ARHGEF6: variants seen among roughly 807,000 people sequenced by gnomAD.
The protein encoded by ARHGEF6 is Rac/Cdc42 guanine nucleotide exchange factor 6.
A neutral mutation model predicts 70.3 loss-of-function variants in ARHGEF6; 9 were observed. The observed-to-expected ratio is 0.13, with a 90% CI of 0.08 to 0.22. The LOEUF is 0.22. Ranked by LOEUF, ARHGEF6 falls within the 10% of genes least tolerant of loss-of-function variation. The pLI, the probability that ARHGEF6 is intolerant of heterozygous loss-of-function variation, is 1.00. For synonymous variants in ARHGEF6, 201 were observed against 207.8 expected (o/e 0.97, Z 0.28); for missense variants, 470 against 563.0 (o/e 0.83, Z 1.67).
chrX:136,752,946 T>G, intron 2 of ARHGEF6, among the ~76,000 whole-genome samples: 1 of 112,112 alleles, frequency 8.9e-6, no homozygotes, highest in African/African-American at 3.2e-5. Context: ...TGTCATTACA[T>G]AGTGCAACAG....
At chrX:136,746,597 G>C (rs780138890) in intron 3 of ARHGEF6, among the ~76,000 whole-genome samples, 2 of 111,499 alleles carry the variant, frequency 1.8e-5, no homozygotes, top group African/African-American at 6.5e-5. Flanking sequence ...CCATAGCTTT[G>C]ACATTTTTTG....
rs2077411853 is a variant in ARHGEF6, at chrX:136,777,104, A to T, written c.249+2310T>A. 2.7e-5 allele frequency among the ~76,000 whole-genome samples: 3 copies of T among 110,739 alleles called. No homozygotes were observed. The South Asian group carries it at 1.1e-3, about 42-fold the overall frequency. On this transcript the variant is annotated intron_variant, in intron 2 of 21. Coordinates refer to ENST00000250617, the MANE Select transcript of ARHGEF6 (RefSeq NM_004840.3). ...GCCAGGCATGGTGGCGGGCGCCTGT[A>T]TTCCCAGCTACTCAGGAGGCTGAGG... is the stretch of plus-strand genomic sequence containing the variant.
intron 2 of ARHGEF6, among the ~76,000 whole-genome samples, chrX:136,779,143 C>T (rs1050717738): frequency 1.8e-5 from 2 of 111,973 alleles, no homozygotes; most frequent in African/African-American, 6.5e-5. Context: ...AACACACCCA[C>T]ACAAGCTCTG....
intron 6 of ARHGEF6, among the ~76,000 whole-genome samples, chrX:136,727,413 CTTTCTT>C (rs757846089): frequency 6.7e-4 from 60 of 90,201 alleles, no homozygotes; most frequent in African/African-American, 2.2e-3. Flanking sequence ...CTCTCTCTCT[CTTTCTT>C]TCTTTCTTTC....
intron 6 of ARHGEF6, among the ~76,000 whole-genome samples, chrX:136,731,648 T>C (rs2148647621): frequency 8.9e-6 from 1 of 112,532 alleles, no homozygotes; most frequent in South Asian, 3.7e-4. Flanking sequence ...CAGTTTTCCT[T>C]TTGGGCTCTC....
chrX:136,720,135 C>T (rs1168201502), intron 6 of ARHGEF6, among the ~76,000 whole-genome samples: 1 of 112,062 alleles, frequency 8.9e-6, no homozygotes. Context: ...TACTTCCTAA[C>T]TCATTTTATG....
chrX:136,713,002 C>CT (rs1191937145), intron 7 of ARHGEF6, among the ~76,000 whole-genome samples: 143 of 102,297 alleles, frequency 1.4e-3, no homozygotes, highest in East Asian at 3.0e-3. Context: ...AAGCACATCA[C>CT]TTTTTTTTTT....
At chrX:136,776,747 A>G (rs1340910438) in intron 2 of ARHGEF6, among the ~76,000 whole-genome samples, 1 of 111,581 alleles carries the variant, frequency 9.0e-6, no homozygotes, top group Non-Finnish European at 1.9e-5. Flanking sequence ...TGCACAGCAA[A>G]ATAAATAATC....
chrX:136,713,804 T>C (rs1441412782), intron 6 of ARHGEF6, among the ~76,000 whole-genome samples: 1 of 112,241 alleles, frequency 8.9e-6, no homozygotes, highest in Admixed American at 9.4e-5. Context: ...AATGTTTTCA[T>C]GTGCTGTAAA....
At chrX:136,668,527 CTTCTTCTTA>C (rs1449008748) in intron 21 of ARHGEF6, among the ~76,000 whole-genome samples, 31 of 100,551 alleles carry the variant, frequency 3.1e-4, no homozygotes, top group African/African-American at 1.3e-3. Context: ...TCTTCTTCTT[CTTCTTCTTA>C]TTATTATTAT....
At chrX:136,745,419 T>C in intron 3 of ARHGEF6, 72 bp from the exon 4 acceptor site, 1 of 1,127,102 alleles carries the variant, frequency 8.9e-7, no homozygotes, top group Non-Finnish European at 1.2e-6. Flanking sequence ...TAACATTATC[T>C]TTCTCAGGAT....
intron 2 of ARHGEF6, among the ~76,000 whole-genome samples, chrX:136,758,775 G>T (rs2077236588): frequency 9.0e-6 from 1 of 111,359 alleles, no homozygotes; most frequent in Admixed American, 9.5e-5. Context: ...CCATCTACAT[G>T]TAGACTCTTA....
chrX:136,670,773 C>G (rs1380474431), intron 20 of ARHGEF6, among the ~76,000 whole-genome samples: 5 of 111,851 alleles, frequency 4.5e-5, no homozygotes, highest in Non-Finnish European at 7.5e-5. Context: ...TCTCTGACTG[C>G]ACATGACACA....
At chrX:136,700,354 G>T (rs910435788) in intron 9 of ARHGEF6, among the ~76,000 whole-genome samples, 1 of 110,862 alleles carries the variant, frequency 9.0e-6, no homozygotes, top group Admixed American at 9.6e-5. Flanking sequence ...ATGAAACCCT[G>T]TCTAAACTAA....
intron 10 of ARHGEF6, among the ~76,000 whole-genome samples, chrX:136,690,200 T>C (rs946124298): frequency 2.7e-5 from 3 of 111,927 alleles, no homozygotes; most frequent in African/African-American, 6.5e-5. Context: ...AACTTGTTCT[T>C]TGTACATTCT....
At position 136,706,381 on chromosome X, in the gene ARHGEF6, G is replaced by A. The variant is rs774388487; in HGVS notation, c.1046+527C>T. Among the ~76,000 whole-genome samples the A allele has an allele frequency of 1.4e-4, 16 of 111,513 alleles. 1 individual carries two copies. The South Asian group carries it at 5.7e-3, about 40-fold the overall frequency. On this transcript the variant is annotated intron_variant, in intron 9 of 21. Coordinates refer to ENST00000250617, the MANE Select transcript of ARHGEF6 (RefSeq NM_004840.3). The stretch of plus-strand genomic sequence containing the variant: ...CATCATTGCCTAAAACTTTCTCTAC[G>A]CAGACTAGGGAAGGCAAAAAGAGAT...
chrX:136,672,040 G>C lies in ARHGEF6; in HGVS notation c.2115C>G (p.Gly705=). ...CTCACTTTTCTTCCATGATGGTCTG[G>C]CCGTTGCTTCTGGTTTCTTCAATGA... is the stretch of plus-strand genomic sequence containing the variant. ...KLIIEETRSN[G]QTIMEEKSLV... Residue 705 remains glycine, a synonymous_variant, in exon 20 of 22, where the codon GGC becomes GGG. Transcript: ENST00000250617. 1 of 1,209,452 alleles carries C rather than the reference G, an allele frequency of 8.3e-7. No homozygotes were observed. The highest frequency in any genetic ancestry group is 1.1e-6 in the Non-Finnish European group (1 of 893,383).
chrX:136,691,173 C>A (rs2076454603), intron 9 of ARHGEF6, among the ~76,000 whole-genome samples: 1 of 111,941 alleles, frequency 8.9e-6, no homozygotes, highest in Non-Finnish European at 1.9e-5. Context: ...TTCTTAATCA[C>A]TTCAAACGTC....
chrX:136,707,148 G>A (rs1240633453), intron 8 of ARHGEF6, 118 bp from the exon 9 acceptor site: 2 of 893,011 alleles, frequency 2.2e-6, no homozygotes, highest in Non-Finnish European at 3.2e-6. Flanking sequence ...AAGGTTAAAA[G>A]AGAAACTATA....
Sources: gnomAD v4.1 joint callset for allele counts (sites outside exome capture counted in the v4.1 genomes callset) on GRCh38, gnomAD v4.1.1 for gene constraint, MANE v1.5 for transcripts, NCBI Gene and HGNC (gene_info 2026-07-23, HGNC 2026-07-21) for gene names.